The following SLC44A5 variants were observed in gnomAD, a reference collection of about 807,000 sequenced individuals.
SLC44A5 encodes choline transporter-like protein 5.
Under a neutral mutation model 101.8 loss-of-function variants are expected in SLC44A5, and 57 were observed. The observed-to-expected ratio is 0.56, with a 90% confidence interval of 0.45 to 0.70. The LOEUF is 0.70. Ranked by LOEUF, SLC44A5 falls within the 30% of genes least tolerant of loss-of-function variation. SLC44A5 has a pLI of 0.00. For synonymous variants in SLC44A5, 281 were observed against 290.9 expected (o/e 0.97, Z 0.35); for missense variants, 737 against 853.1 (o/e 0.86, Z 1.70).
intron 2 of SLC44A5, among the ~76,000 whole-genome samples, chr1:75,462,839 A>G (rs2101699587): frequency 6.6e-6 from 1 of 152,258 alleles, no homozygotes; most frequent in South Asian, 2.1e-4. Flanking sequence ...AATACATAGA[A>G]GAGACAAAAG....
chr1:75,519,032 T>A (rs1669980728), intron 2 of SLC44A5, among the ~76,000 whole-genome samples: 1 of 152,246 alleles, frequency 6.6e-6, no homozygotes, highest in African/African-American at 2.4e-5. Context: ...CCGTTTAGAA[T>A]ACTTTAAAGT....
chr1:75,596,997 G>A (rs1674673694), intron 1 of SLC44A5, among the ~76,000 whole-genome samples: 1 of 151,982 alleles, frequency 6.6e-6, no homozygotes, highest in Non-Finnish European at 1.5e-5. Context: ...ACCAGCCTGG[G>A]CAACATGGCA....
At chr1:75,412,814 C>T (rs1450146430) in intron 2 of SLC44A5, among the ~76,000 whole-genome samples, 1 of 152,162 alleles carries the variant, frequency 6.6e-6, no homozygotes, top group African/African-American at 2.4e-5. Context: ...CATCTCCATG[C>T]TATCTATGCA....
At position 75,206,637 on chromosome 1, in the gene SLC44A5, C is replaced by T. The variant is rs750655448; in HGVS notation, c.2048-2804G>A. On this transcript the variant is annotated intron_variant, in intron 23 of 23. Coordinates refer to ENST00000370859, the MANE Select transcript of SLC44A5 (RefSeq NM_001130058.2). ...CTTTCTGCTTCTGGGGAACTAGTTG[C>T]TTCTTGATCAGAATTCCATGCAGGT... The T allele has an allele frequency of 1.9e-6, 3 of 1,612,228 alleles. No individual in the cohort carries two copies. In the African/African-American group the frequency reaches 4.0e-5, roughly 22 times the overall value.
intron 2 of SLC44A5, among the ~76,000 whole-genome samples, chr1:75,441,059 T>C (rs1002163343): frequency 1.3e-5 from 2 of 152,096 alleles, no homozygotes; most frequent in Admixed American, 6.6e-5. Context: ...GAAGGTTAAT[T>C]ACAGCACAAA....
intron 2 of SLC44A5, among the ~76,000 whole-genome samples, chr1:75,475,960 G>A (rs866238940): frequency 1.2e-4 from 18 of 152,270 alleles, no homozygotes; most frequent in East Asian, 3.9e-4. Flanking sequence ...CGAGGTGGGC[G>A]GATCATGAGG....
intron 1 of SLC44A5, among the ~76,000 whole-genome samples, chr1:75,567,019 G>A (rs576644683): frequency 2.5e-4 from 38 of 152,256 alleles, no homozygotes; most frequent in Admixed American, 4.6e-4. Flanking sequence ...TCTCTGCTTC[G>A]TATTTTCCTA....
At chr1:75,398,821 G>A (rs2101417934) in intron 2 of SLC44A5, among the ~76,000 whole-genome samples, 1 of 152,182 alleles carries the variant, frequency 6.6e-6, no homozygotes, top group African/African-American at 2.4e-5. Context: ...CGTATCTTAT[G>A]TAGGCTGCCT....
At position 75,362,246 on chromosome 1, in the gene SLC44A5, G is replaced by A. The variant is rs541119992; in HGVS notation, c.53-22616C>T. On this transcript the variant is annotated intron_variant, in intron 3 of 23. Transcript: ENST00000370859. ...GACTTGTTTTTTTAAAAAAATGTTC[G>A]TTTCATTGATTTTTTTTCTATTGTT... Among the ~76,000 whole-genome samples the A allele has an allele frequency of 1.3e-3, 194 of 150,770 alleles. 1 individual carries two copies. Among genetic ancestry groups the A allele is most frequent in the African/African-American group, 4.6e-3 (187 of 41,098 alleles).
In SLC44A5 at chr1:75,218,706, C is replaced by T; in HGVS notation, c.1313G>A (p.Cys438Tyr). ...CTTTCCACCATAGAAAGCAAAGTTA[C>T]ACAGAGCCCCAGGGCAAGCTTTGGC... ...EIAKACPGALCNFAFYGGKSL... is the reference protein window; with the variant it reads ...EIAKACPGALYNFAFYGGKSL... The change falls in exon 17 of 24, where the codon TGT becomes TAT. Residue 438 changes from cysteine (C) to tyrosine (Y), a missense_variant. Cys to Tyr is a radical substitution (Grantham distance 194). Coordinates refer to ENST00000370859, the MANE Select transcript of SLC44A5 (RefSeq NM_001130058.2). 1.2e-6 allele frequency: 2 copies of T among 1,613,576 alleles called. No individual in the cohort carries two copies. The highest frequency in any genetic ancestry group is 1.7e-6 in the Non-Finnish European group (2 of 1,179,658).
intron 2 of SLC44A5, among the ~76,000 whole-genome samples, chr1:75,474,494 G>C (rs1667279031): frequency 6.6e-6 from 1 of 152,114 alleles, no homozygotes; most frequent in Non-Finnish European, 1.5e-5. Context: ...TTTCTGGATT[G>C]ATAATCAATA....
At chr1:75,318,370 TGAAAGAAAGAAA>T (rs5775281) in intron 4 of SLC44A5, among the ~76,000 whole-genome samples, 21,787 of 130,440 alleles carry the variant, frequency 0.17, 1,846 homozygotes, top group Middle Eastern at 0.25. Context: ...TCCCATCTCT[TGAAAGAAAGAAA>T]GAAAGAAAGA....
chr1:75,524,681 T>C (rs1670322130), intron 2 of SLC44A5, among the ~76,000 whole-genome samples: 1 of 152,182 alleles, frequency 6.6e-6, no homozygotes, highest in Non-Finnish European at 1.5e-5. Flanking sequence ...TATGTCACAT[T>C]GTTGTTATGG....
intron 5 of SLC44A5, among the ~76,000 whole-genome samples, chr1:75,286,529 T>TA (rs1425341344): frequency 6.6e-6 from 1 of 152,144 alleles, no homozygotes; most frequent in Admixed American, 6.5e-5. Flanking sequence ...GTTGCCTAAA[T>TA]ACCTTGATTT....
At chr1:75,325,333 A>G (rs1158339204) in intron 4 of SLC44A5, among the ~76,000 whole-genome samples, 1 of 152,096 alleles carries the variant, frequency 6.6e-6, no homozygotes, top group East Asian at 1.9e-4. Context: ...TTAAACACCT[A>G]TTGTTGCCCT....
At chr1:75,386,113 G>A (rs1661323077) in intron 3 of SLC44A5, among the ~76,000 whole-genome samples, 1 of 151,430 alleles carries the variant, frequency 6.6e-6, no homozygotes, top group Non-Finnish European at 1.5e-5. Context: ...TACTGAATGG[G>A]CAAAAACTGG....
At chr1:75,584,503 G>A (rs1673882241) in intron 1 of SLC44A5, among the ~76,000 whole-genome samples, 1 of 152,186 alleles carries the variant, frequency 6.6e-6, no homozygotes, top group South Asian at 2.1e-4. Flanking sequence ...CGGATTCACT[G>A]ACACTTTCTT....
chr1:75,562,884 A>T (rs1427386240), intron 1 of SLC44A5, among the ~76,000 whole-genome samples: 2 of 139,098 alleles, frequency 1.4e-5, no homozygotes, highest in Non-Finnish European at 3.2e-5. Flanking sequence ...AATCCTCAAT[A>T]TGTGAAACAA....
intron 4 of SLC44A5, among the ~76,000 whole-genome samples, chr1:75,306,124 GA>G (rs1279086914): frequency 6.6e-6 from 1 of 152,092 alleles, no homozygotes. Context: ...AAGATTTTTG[GA>G]AAACAGCAAT....
Sources: allele counts gnomAD v4.1 joint callset (sites outside exome capture counted in the v4.1 genomes callset), GRCh38; gene constraint gnomAD v4.1.1; transcripts MANE v1.5; gene names NCBI Gene and HGNC (gene_info 2026-07-23, HGNC 2026-07-21).